COL24A1: variants seen among roughly 807,000 people sequenced by gnomAD.
COL24A1 encodes collagen type XXIV alpha 1 chain, also known as collagen alpha-1(XXIV) chain.
In COL24A1, 224 loss-of-function variants were observed where a neutral mutation model predicts 253.9. That is an observed-to-expected ratio of 0.88 (90% CI 0.79 to 0.99). COL24A1 has a LOEUF of 0.99. Ranked by LOEUF, COL24A1 falls within the 50% of genes least tolerant of loss-of-function variation. The pLI is 0.00. For synonymous variants in COL24A1, 685 were observed against 673.7 expected (o/e 1.02, Z -0.26); for missense variants, 2,131 against 2,068.5 (o/e 1.03, Z -0.59).
intron 30 of COL24A1, 21 bp downstream of exon 30, chr1:85,896,000 G>C: frequency 6.2e-7 from 1 of 1,605,088 alleles, no homozygotes; most frequent in Non-Finnish European, 8.5e-7. Flanking sequence ...CATCTTTAAT[G>C]TGAAATGTTT....
At chr1:85,765,986 A>C (rs1667325552) in intron 53 of COL24A1, among the ~76,000 whole-genome samples, 1 of 152,140 alleles carries the variant, frequency 6.6e-6, no homozygotes, top group African/African-American at 2.4e-5. Context: ...AACAGTTTTG[A>C]AGTAGAGGAA....
chr1:85,745,413 C>A (rs775035773), intron 56 of COL24A1, 28 bp downstream of exon 56: 2 of 1,540,960 alleles, frequency 1.3e-6, no homozygotes, highest in South Asian at 1.2e-5. Flanking sequence ...AGAGACAGTG[C>A]CAATATAAAT....
At position 85,784,370 on chromosome 1, in the gene COL24A1, T is replaced by A. The variant is rs1439939072; in HGVS notation, c.4060-4A>T. On this transcript the variant is annotated splice_polypyrimidine_tract_variant and splice_region_variant and intron_variant, in intron 48 of 59. Transcript: ENST00000370571. ...GACCAGGTAGCCCTTGTTCACCCTA[T>A]GGGTAGAACAAAGAAAAGCGATCTT... 1.9e-6 allele frequency: 3 copies of A among 1,606,692 alleles called. No individual in the cohort carries two copies. The Admixed American group carries it at 5.0e-5, about 27-fold the overall frequency.
intron 47 of COL24A1, among the ~76,000 whole-genome samples, chr1:85,815,121 GT>G (rs1251184172): frequency 6.6e-6 from 1 of 152,116 alleles, no homozygotes; most frequent in African/African-American, 2.4e-5. Context: ...TTCACATGTG[GT>G]TTTCCTTGTT....
Position 85,756,256 on chromosome 1 carries a change from CT to C in COL24A1, c.4437+5139del, listed in dbSNP as rs1311304771. ...CCAACATGGTGAAATCCCAGCTCTA[CT>C]AAAAATACAAAATTAGCCAGGCGTG... On this transcript the variant is annotated intron_variant, in intron 55 of 59. Transcript: ENST00000370571. Among the ~76,000 whole-genome samples, 4 of 151,976 alleles carry C rather than the reference CT, an allele frequency of 2.6e-5. No individual in the cohort carries two copies. The East Asian group carries it at 5.8e-4, about 22-fold the overall frequency.
intron 52 of COL24A1, among the ~76,000 whole-genome samples, chr1:85,780,163 ACT>A (rs1390176831): frequency 6.6e-6 from 1 of 152,168 alleles, no homozygotes; most frequent in East Asian, 1.9e-4. Flanking sequence ...CTACAGAAAT[ACT>A]GAGTTATACA....
intron 22 of COL24A1, among the ~76,000 whole-genome samples, chr1:85,966,171 T>C (rs1449610436): frequency 1.3e-5 from 2 of 152,042 alleles, no homozygotes; most frequent in African/African-American, 4.8e-5. Flanking sequence ...TGCTGGCGGG[T>C]CATGTGTGAA....
At chr1:85,877,239 A>G (rs1318164236) in intron 32 of COL24A1, 64 bp from the exon 33 acceptor site, 1 of 1,156,836 alleles carries the variant, frequency 8.6e-7, no homozygotes, top group South Asian at 1.5e-5. Context: ...AAATGTATTC[A>G]TCTGGATATG....
At chr1:85,745,417 T>C (rs763525877) in intron 56 of COL24A1, 24 bp downstream of exon 56, 4 of 1,575,026 alleles carry the variant, frequency 2.5e-6, no homozygotes, top group Non-Finnish European at 3.5e-6. Flanking sequence ...ACAGTGCCAA[T>C]ATAAATAAAA....
At position 85,830,529 on chromosome 1, in the gene COL24A1, C is replaced by T. The variant is rs1467023747; in HGVS notation, c.3682-6791G>A. The stretch of plus-strand genomic sequence containing the variant: ...GGTGCCCCTCCCCCAGCCTGGCTGC[C>T]GCCTTGCAGTTTGATCTCAGACTGC... On this transcript the variant is annotated intron_variant, in intron 43 of 59. Coordinates refer to ENST00000370571, the MANE Select transcript of COL24A1 (RefSeq NM_152890.7). 6.6e-5 allele frequency among the ~76,000 whole-genome samples: 10 copies of T among 152,246 alleles called. 1 individual carries two copies. Among genetic ancestry groups the T allele is most frequent in the Middle Eastern group, 3.4e-3 (1 of 294 alleles).
intron 24 of COL24A1, among the ~76,000 whole-genome samples, chr1:85,919,344 C>G (rs1417015942): frequency 2.6e-5 from 4 of 152,078 alleles, no homozygotes; most frequent in African/African-American, 9.7e-5. Flanking sequence ...AATTTTATCC[C>G]AAGTGCTAAT....
At chr1:85,919,373 G>T (rs757887655) in intron 24 of COL24A1, among the ~76,000 whole-genome samples, 1 of 152,144 alleles carries the variant, frequency 6.6e-6, no homozygotes, top group African/African-American at 2.4e-5. Context: ...GAGATAGATG[G>T]AGCCACAAGA....
rs1372276893 is a variant in COL24A1, at chr1:85,838,461, G to A, written c.3681+124C>T. The A allele has an allele frequency of 2.0e-5, 16 of 781,668 alleles. No individual in the cohort carries two copies. In the Middle Eastern group the frequency reaches 1.1e-3, roughly 54 times the overall value. The allele number at this position is 781,668 out of a possible 1,614,324, so 48.4% of individuals were successfully genotyped here. ...AAGGAGGAACAGAAAGTAGAAAGAC[G>A]TCTCTTCTAGGATTAAAAACATAAG... On this transcript the variant is annotated intron_variant, in intron 43 of 59. Coordinates refer to ENST00000370571, the MANE Select transcript of COL24A1 (RefSeq NM_152890.7).
chr1:86,023,141 A>G, intron 14 of COL24A1, 134 bp from the exon 15 acceptor site: 1 of 697,838 alleles, frequency 1.4e-6, no homozygotes. Flanking sequence ...GTTCTTCAAC[A>G]ACTTATTTTT....
At chr1:85,935,314 T>C (rs1688168953) in intron 24 of COL24A1, among the ~76,000 whole-genome samples, 1 of 147,656 alleles carries the variant, frequency 6.8e-6, no homozygotes, top group African/African-American at 2.5e-5. Context: ...TGACTATGCA[T>C]AGGAACAAAG....
In COL24A1 at chr1:85,841,275, A is replaced by T; in HGVS notation, c.3574T>A (p.Tyr1192Asn). 4 of 1,594,034 alleles carry T rather than the reference A, an allele frequency of 2.5e-6. No homozygotes were observed. The highest frequency in any genetic ancestry group is 1.4e-5 in the African/African-American group (1 of 73,870). ...AGGACTGTGCTATCTTCTCCTGGGT[A>T]GCCCTAAAATGAAATAATGATTTAT... ...GLPGPKGEKG[Y>N]PGEDSTVLGP... The change falls in exon 42 of 60, where the codon TAC (tyrosine) becomes AAC (asparagine). Residue 1192 changes from tyrosine (Y) to asparagine (N), a missense_variant. Coordinates refer to ENST00000370571, the MANE Select transcript of COL24A1 (RefSeq NM_152890.7).
chr1:85,945,303 G>A (rs1328971906), intron 24 of COL24A1, among the ~76,000 whole-genome samples: 1 of 151,656 alleles, frequency 6.6e-6, no homozygotes. Flanking sequence ...ACAGGTGTGA[G>A]CCACTGCGCC....
intron 7 of COL24A1, among the ~76,000 whole-genome samples, chr1:86,066,491 G>A (rs1043190244): frequency 6.6e-6 from 1 of 151,606 alleles, no homozygotes. Flanking sequence ...TGATCTGCCC[G>A]CCTCGGCCTC....
At chr1:85,773,990 T>G (rs1016568840) in intron 53 of COL24A1, among the ~76,000 whole-genome samples, 1 of 152,224 alleles carries the variant, frequency 6.6e-6, no homozygotes. Flanking sequence ...CTATTCAGTA[T>G]GATATTGGCT....
Sources: gnomAD v4.1 joint callset for allele counts (sites outside exome capture counted in the v4.1 genomes callset) on GRCh38, gnomAD v4.1.1 for gene constraint, MANE v1.5 for transcripts, NCBI Gene and HGNC (gene_info 2026-07-23, HGNC 2026-07-21) for gene names.